Variants in NIBAN1 observed in about 807,000 individuals in gnomAD.
NIBAN1 encodes the protein niban apoptosis regulator 1.
A neutral mutation model predicts 75.1 loss-of-function variants in NIBAN1; 81 were observed. The ratio of observed to expected loss-of-function variants is 1.08; its 90% CI spans 0.90 to 1.30. NIBAN1 has a LOEUF of 1.30. NIBAN1 is among the 50% of genes most tolerant of loss of function. The pLI, the probability that NIBAN1 is intolerant of heterozygous loss-of-function variation, is 0.00. For synonymous variants in NIBAN1, 436 were observed against 424.8 expected (o/e 1.03, Z -0.32); for missense variants, 1,133 against 1,128.1 (o/e 1.00, Z -0.06).
rs770271251 is a variant in NIBAN1, at chr1:184,794,847, C to A, written c.*130G>T. On this transcript the variant is annotated 3_prime_UTR_variant, in exon 14 of 14. Coordinates refer to ENST00000367511, the MANE Select transcript of NIBAN1 (RefSeq NM_052966.4). ...GTTGCTCATGCCCTGTATGCATTTCCTCTGGTTTTATTATTCAAATTAAGA... is the reference window on the plus strand; with the variant it reads ...GTTGCTCATGCCCTGTATGCATTTCATCTGGTTTTATTATTCAAATTAAGA... 4.9e-6 allele frequency: 6 copies of A among 1,235,230 alleles called. No homozygotes were observed. The highest frequency in any genetic ancestry group is 1.9e-4 in the Middle Eastern group (1 of 5,390). The allele number at this position is 1,235,230 out of a possible 1,614,324, so 76.5% of individuals were successfully genotyped here.
chr1:184,938,417 TAATC>T (rs1658013141), intron 1 of NIBAN1, among the ~76,000 whole-genome samples: 1 of 152,158 alleles, frequency 6.6e-6, no homozygotes, highest in African/African-American at 2.4e-5. Flanking sequence ...AACAACTAGA[TAATC>T]AGTCTTTCTC....
intron 5 of NIBAN1, among the ~76,000 whole-genome samples, chr1:184,874,911 A>C (rs1656194531): frequency 6.6e-6 from 1 of 152,200 alleles, no homozygotes; most frequent in Non-Finnish European, 1.5e-5. Context: ...GCTTTTATAA[A>C]AATTGACCAT....
intron 1 of NIBAN1, among the ~76,000 whole-genome samples, chr1:184,959,675 G>A (rs559667823): frequency 5.3e-5 from 8 of 152,166 alleles, no homozygotes; most frequent in Non-Finnish European, 7.3e-5. Context: ...AGTTACTTGG[G>A]ATCAGTTTGA....
chr1:184,937,091 AT>A (rs1657981465), intron 1 of NIBAN1, among the ~76,000 whole-genome samples: 1 of 147,850 alleles, frequency 6.8e-6, no homozygotes, highest in Non-Finnish European at 1.5e-5. Context: ...AATAAATATT[AT>A]GTAATACTGA....
intron 1 of NIBAN1, among the ~76,000 whole-genome samples, chr1:184,941,587 CT>C (rs1318514780): frequency 1.3e-5 from 2 of 149,606 alleles, no homozygotes; most frequent in Non-Finnish European, 3.0e-5. Flanking sequence ...GGGATCAAGG[CT>C]GCAGTTAGCT....
At chr1:184,971,487 T>C (rs1226004252) in intron 1 of NIBAN1, among the ~76,000 whole-genome samples, 1 of 151,794 alleles carries the variant, frequency 6.6e-6, no homozygotes, top group Non-Finnish European at 1.5e-5. Flanking sequence ...CTGGCCCACA[T>C]GGTGAAACCC....
Position 184,811,513 on chromosome 1 carries a change from G to GTT in NIBAN1, c.1174-3280_1174-3279dup, listed in dbSNP as rs55898062. Among the ~76,000 whole-genome samples, 152 of 139,102 alleles carry GTT rather than the reference G, an allele frequency of 1.1e-3. 1 individual carries two copies. Among genetic ancestry groups the GTT allele is most frequent in the African/African-American group, 3.5e-3 (132 of 37,352 alleles). 91.3% of individuals were successfully genotyped at this position (139,102 alleles called of 152,430 possible). On this transcript the variant is annotated intron_variant, in intron 9 of 13. Coordinates refer to ENST00000367511, the MANE Select transcript of NIBAN1 (RefSeq NM_052966.4). ...AGGTACTTTCTTCCTTTTTTTTTTT[G>GTT]TTTTTTTTTTTGAGACGGAGTCTCA...
intron 5 of NIBAN1, among the ~76,000 whole-genome samples, chr1:184,877,910 A>G (rs2101960697): frequency 6.7e-6 from 1 of 148,828 alleles, no homozygotes; most frequent in Non-Finnish European, 1.5e-5. Context: ...CGAACAAAAC[A>G]ATTTTTTTTT....
At chr1:184,858,952 A>AAAAAAAC (rs1166265512) in intron 5 of NIBAN1, among the ~76,000 whole-genome samples, 1 of 152,088 alleles carries the variant, frequency 6.6e-6, no homozygotes, top group Non-Finnish European at 1.5e-5. Context: ...TGGTCACCTT[A>AAAAAAAC]AAAAAACAAA....
chr1:184,939,129 A>C lies in NIBAN1; in HGVS notation c.55+35173T>G, dbSNP rs555863420. Among the ~76,000 whole-genome samples, 13 of 152,386 alleles carry C rather than the reference A, an allele frequency of 8.5e-5. No homozygotes were observed. In the South Asian group the frequency reaches 2.5e-3, roughly 29 times the overall value. On this transcript the variant is annotated intron_variant, in intron 1 of 13. Transcript: ENST00000367511. ...TGTGCATTGAGTTGCTACTATGCAC[A>C]AATGTACTAGAAGCTGCAGAATTAT... is the stretch of plus-strand genomic sequence containing the variant.
At chr1:184,965,017 G>T (rs1337808052) in intron 1 of NIBAN1, among the ~76,000 whole-genome samples, 1 of 152,040 alleles carries the variant, frequency 6.6e-6, no homozygotes, top group East Asian at 1.9e-4. Flanking sequence ...GAAGAACACA[G>T]GGCCGGGCGC....
intron 9 of NIBAN1, 74 bp from the exon 10 acceptor site, chr1:184,808,309 A>G (rs1037916364): frequency 7.0e-7 from 1 of 1,434,292 alleles, no homozygotes; most frequent in African/African-American, 1.4e-5. Flanking sequence ...TGCATATTAC[A>G]TACATTCTAA....
At chr1:184,945,500 A>G (rs957123558) in intron 1 of NIBAN1, among the ~76,000 whole-genome samples, 1 of 152,252 alleles carries the variant, frequency 6.6e-6, no homozygotes, top group Non-Finnish European at 1.5e-5. Context: ...AAAAGAAATT[A>G]AGACTGAAAA....
chr1:184,851,852 T>A lies in NIBAN1; in HGVS notation c.602-19890A>T, dbSNP rs1316775920. On this transcript the variant is annotated intron_variant, in intron 5 of 13. Transcript: ENST00000367511. ...GCTGATCTAACGACTTTTTTTTTTTTTTTAACTAATCCTCTTATGACCATG... is the reference window on the plus strand; with the variant it reads ...GCTGATCTAACGACTTTTTTTTTTTATTTAACTAATCCTCTTATGACCATG... Among the ~76,000 whole-genome samples, 9 of 152,190 alleles carry A rather than the reference T, an allele frequency of 5.9e-5. No homozygotes were observed. In the East Asian group the frequency reaches 1.7e-3, roughly 29 times the overall value.
At chr1:184,908,280 A>C (rs1009604952) in intron 1 of NIBAN1, among the ~76,000 whole-genome samples, 1 of 152,234 alleles carries the variant, frequency 6.6e-6, no homozygotes, top group Middle Eastern at 3.2e-3. Context: ...TGCTACATAA[A>C]AGAGTATATA....
intron 5 of NIBAN1, among the ~76,000 whole-genome samples, chr1:184,856,529 AAAAGGTGAT>A (rs1259976702): frequency 6.6e-6 from 1 of 152,228 alleles, no homozygotes; most frequent in African/African-American, 2.4e-5. Context: ...TAAGCTGGAA[AAAAGGTGAT>A]AACTAATTGA....
At chr1:184,960,230 AAG>A (rs1658595109) in intron 1 of NIBAN1, among the ~76,000 whole-genome samples, 3 of 152,232 alleles carry the variant, frequency 2.0e-5, no homozygotes, top group Non-Finnish European at 4.4e-5. Context: ...AAATTTAAAT[AAG>A]AATTTTAGAT....
chr1:184,836,405 A>C (rs960195618), intron 5 of NIBAN1, among the ~76,000 whole-genome samples: 1 of 152,230 alleles, frequency 6.6e-6, no homozygotes, highest in Non-Finnish European at 1.5e-5. Flanking sequence ...TCCTTATAAG[A>C]AGCATAAATT....
rs1656549772 is a variant in NIBAN1, at chr1:184,887,224, CAG to C, written c.434-2426_434-2425del. Among the ~76,000 whole-genome samples the C allele has an allele frequency of 2.0e-5, 3 of 152,228 alleles. No individual in the cohort carries two copies. The South Asian group carries it at 6.2e-4, about 32-fold the overall frequency. ...CCAGTGTCCTGGAATCTGAAGGTAA[CAG>C]AGGAGAATGCACCACCAGCACAAGC... is the stretch of plus-strand genomic sequence containing the variant. On this transcript the variant is annotated intron_variant, in intron 4 of 13. Coordinates refer to ENST00000367511, the MANE Select transcript of NIBAN1 (RefSeq NM_052966.4).
Sources: allele counts gnomAD v4.1 joint callset (sites outside exome capture counted in the v4.1 genomes callset), GRCh38; gene constraint gnomAD v4.1.1; transcripts MANE v1.5; gene names NCBI Gene and HGNC (gene_info 2026-07-23, HGNC 2026-07-21).